Variants in CNOT10 observed in about 807,000 individuals in gnomAD.
CNOT10 encodes CCR4-NOT transcription complex, subunit 10.
CNOT10 carries 30 observed loss-of-function variants against 94.6 expected under a neutral mutation model. The observed-to-expected ratio is 0.32, with a 90% CI of 0.24 to 0.43. The LOEUF (loss-of-function observed/expected upper bound fraction) is 0.43. Ranked by LOEUF, CNOT10 falls within the 20% of genes least tolerant of loss-of-function variation. The probability of loss-of-function intolerance (pLI) is 1.00; values close to 1 mark genes in which losing one functional copy is unlikely to be tolerated. For missense variants in CNOT10, 759 were observed against 877.2 expected, an observed-to-expected ratio of 0.87 and a Z score of 1.70; for synonymous variants, 289 against 301.6, an observed-to-expected ratio of 0.96 and a Z score of 0.43.
chr3:32,720,918 C>A (rs1698362014), intron 8 of CNOT10, among the ~76,000 whole-genome samples: 2 of 137,638 alleles, frequency 1.5e-5, no homozygotes, highest in African/African-American at 2.7e-5. Context: ...TTCCTTCCTT[C>A]CTTCCTTCCT....
At chr3:32,754,476 C>CAAA (rs1553637886) in intron 13 of CNOT10, among the ~76,000 whole-genome samples, 4,730 of 36,142 alleles carry the variant, frequency 0.13, 295 homozygotes, top group East Asian at 0.38. Context: ...GACTCCGTCT[C>CAAA]AAAAAAAAAA....
At chr3:32,760,107 A>G (rs6765219) in intron 14 of CNOT10, among the ~76,000 whole-genome samples, 3,225 of 81,420 alleles carry the variant, frequency 0.04, 64 homozygotes, top group Middle Eastern at 0.11. Context: ...GCTTGAACCC[A>G]GGAGTCAGAG....
chr3:32,772,210 C>T (rs943027481), intron 18 of CNOT10, among the ~76,000 whole-genome samples: 12 of 152,068 alleles, frequency 7.9e-5, no homozygotes, highest in Admixed American at 5.2e-4. Context: ...ATTAGCTGGG[C>T]GTGTTGGCAT....
chr3:32,710,714 G>A (rs1371057432), intron 4 of CNOT10, among the ~76,000 whole-genome samples: 2 of 151,882 alleles, frequency 1.3e-5, no homozygotes, highest in Admixed American at 1.3e-4. Flanking sequence ...TAACTACTCA[G>A]CTTCTTTCTT....
chr3:32,714,616 C>T (rs1287295987), intron 5 of CNOT10, among the ~76,000 whole-genome samples: 6 of 152,024 alleles, frequency 3.9e-5, no homozygotes, highest in Admixed American at 2.6e-4. Context: ...GGTTGAGGCA[C>T]GAGAATCACT....
intron 13 of CNOT10, among the ~76,000 whole-genome samples, chr3:32,746,070 A>G (rs1464414063): frequency 6.6e-6 from 1 of 152,262 alleles, no homozygotes; most frequent in Admixed American, 6.5e-5. Context: ...TTTCCTTCGC[A>G]TAAGGTATCT....
chr3:32,721,884 C>T (rs990952907), intron 8 of CNOT10, among the ~76,000 whole-genome samples: 3 of 151,550 alleles, frequency 2.0e-5, no homozygotes, highest in African/African-American at 7.3e-5. Context: ...GATCTCCTGA[C>T]CTCGTGATCC....
intron 9 of CNOT10, among the ~76,000 whole-genome samples, chr3:32,727,059 C>G (rs1309905446): frequency 6.6e-6 from 1 of 151,904 alleles, no homozygotes; most frequent in Non-Finnish European, 1.5e-5. Flanking sequence ...TTTGGCCAGT[C>G]TGGTTTTGAA....
intron 13 of CNOT10, among the ~76,000 whole-genome samples, chr3:32,747,624 A>G (rs944974865): frequency 6.6e-6 from 1 of 151,512 alleles, no homozygotes; most frequent in Non-Finnish European, 1.5e-5. Flanking sequence ...GCCTCAAGCA[A>G]TTCTCCCACG....
intron 13 of CNOT10, among the ~76,000 whole-genome samples, chr3:32,754,476 C>CAAAAA (rs1553637886): frequency 2.2e-4 from 8 of 36,262 alleles, no homozygotes; most frequent in Non-Finnish European, 3.0e-4. Flanking sequence ...GACTCCGTCT[C>CAAAAA]AAAAAAAAAA....
chr3:32,687,439 G>GTTTTTTTTTTTC (rs1553626981), intron 1 of CNOT10, among the ~76,000 whole-genome samples: 1 of 51,320 alleles, frequency 1.9e-5, no homozygotes, highest in Non-Finnish European at 3.4e-5. Flanking sequence ...AGTCCTCACG[G>GTTTTTTTTTTTC]TTTTTTTTTT....
intron 7 of CNOT10, 61 bp downstream of exon 7, chr3:32,717,298 T>C (rs983366701): frequency 4.7e-5 from 46 of 979,182 alleles, no homozygotes; most frequent in Non-Finnish European, 3.0e-5. Flanking sequence ...ACTATGGGTA[T>C]TGTCAGGTTT....
intron 8 of CNOT10, among the ~76,000 whole-genome samples, chr3:32,724,444 GCT>G (rs1310610300): frequency 1.8e-5 from 2 of 108,934 alleles, no homozygotes; most frequent in African/African-American, 3.7e-5. Context: ...ACGGAGTCTT[GCT>G]CTGTCACTCA....
At chr3:32,737,547 G>A in intron 13 of CNOT10, 57 bp downstream of exon 13, 6 of 1,143,476 alleles carry the variant, frequency 5.2e-6, no homozygotes, top group Non-Finnish European at 6.5e-6. Context: ...ATTCATGGCT[G>A]GGCACAGTGG....
intron 1 of CNOT10, among the ~76,000 whole-genome samples, chr3:32,700,752 T>C (rs1330871735): frequency 6.6e-6 from 1 of 152,222 alleles, no homozygotes; most frequent in African/African-American, 2.4e-5. Context: ...TGAAATTCTT[T>C]AAAGTCATAC....
At chr3:32,720,886 C>CTTCT (rs1698354740) in intron 8 of CNOT10, among the ~76,000 whole-genome samples, 1 of 110,056 alleles carries the variant, frequency 9.1e-6, no homozygotes, top group East Asian at 3.2e-4. Context: ...CTTTCTTTTC[C>CTTCT]TTCTTTTCCT....
chr3:32,733,490 G>A lies in CNOT10; in HGVS notation c.1283G>A (p.Gly428Asp). ...ATTGTACAGTCTATTGTTGGTCAAG[G>A]CTATCATCGTAAAATAGTTTTGGCA... The part of the protein sequence containing the change: ...KGIVQSIVGQ[G>D]YHRKIVLASQ... Residue 428 changes from glycine to aspartate, a missense_variant, in exon 11 of 19, where the codon GGC becomes GAC. By Grantham distance (94) the Gly-to-Asp change is moderately conservative. This residue lies in a region of CNOT10 where 682 missense variants were observed against 799.4 expected (regional missense o/e 0.85). Coordinates refer to ENST00000328834, the MANE Select transcript of CNOT10 (RefSeq NM_015442.3). 1 of 1,604,290 alleles carries A rather than the reference G, an allele frequency of 6.2e-7. No individual in the cohort carries two copies. Among genetic ancestry groups the A allele is most frequent in the Non-Finnish European group, 8.5e-7 (1 of 1,172,856 alleles).
At chr3:32,704,211 T>C (rs750963293) in intron 2 of CNOT10, among the ~76,000 whole-genome samples, 1 of 152,226 alleles carries the variant, frequency 6.6e-6, no homozygotes, top group Non-Finnish European at 1.5e-5. Context: ...TTTTTAAGTC[T>C]TTTAAATTTA....
At chr3:32,729,903 G>C (rs1481833989) in intron 10 of CNOT10, among the ~76,000 whole-genome samples, 8 of 149,650 alleles carry the variant, frequency 5.3e-5, no homozygotes, top group Non-Finnish European at 4.5e-5. Flanking sequence ...CAAGTAGCTG[G>C]GACTACAGGC....
Sources: gnomAD v4.1 joint callset for allele counts (sites outside exome capture counted in the v4.1 genomes callset) on GRCh38, gnomAD v4.1.1 for gene constraint, gnomAD v4.1.1 regional missense constraint, MANE v1.5 for transcripts, NCBI Gene and HGNC (gene_info 2026-07-23, HGNC 2026-07-21) for gene names.